EPG5: variants seen among roughly 807,000 people sequenced by gnomAD.
The protein encoded by EPG5 is ectopic P-granules 5 autophagy tethering factor, also known as ectopic P granules protein 5 homolog.
Under a neutral mutation model 302.7 loss-of-function variants are expected in EPG5, and 159 were observed. The ratio of observed to expected loss-of-function variants is 0.53; its 90% CI spans 0.46 to 0.60. The LOEUF is 0.60. Among genes scored for constraint, EPG5 ranks in the 20% least tolerant of loss-of-function variants. The pLI, the probability that EPG5 is intolerant of heterozygous loss-of-function variation, is 0.00. For missense variants in EPG5, 2,896 were observed against 3,092.4 expected (o/e 0.94, Z 1.51); for synonymous variants, 1,158 against 1,136.8 (o/e 1.02, Z -0.37).
In EPG5 at chr18:45,912,465, A is replaced by C. The variant is rs1211673128; in HGVS notation, c.3817-9T>G. 8.2e-6 allele frequency: 13 copies of C among 1,587,980 alleles called. No homozygotes were observed. Among genetic ancestry groups the C allele is most frequent in the Non-Finnish European group, 1.1e-5 (13 of 1,171,644 alleles). ...AGCTGGGTCTGGGCTTTCTACAAAA[A>C]AGAAAGGGCTTTGAGTAGCCACAAA... On this transcript the variant is annotated splice_polypyrimidine_tract_variant and intron_variant, in intron 21 of 43. Coordinates refer to ENST00000282041, the MANE Select transcript of EPG5 (RefSeq NM_020964.3).
the EPG5 span, among the ~76,000 whole-genome samples, chr18:45,834,793 G>T: frequency 6.6e-6 from 1 of 152,358 alleles, no homozygotes; most frequent in African/African-American, 2.4e-5. Context: ...AATATGTGGG[G>T]AATCTGTGCC....
Position 45,946,727 on chromosome 18 carries a change from C to T in EPG5, c.1613G>A (p.Arg538Gln), listed in dbSNP as rs142601828. The change falls in exon 7 of 44, where the codon CGG (arginine) becomes CAG (glutamine). Residue 538 changes from arginine (R) to glutamine (Q), a missense_variant. Arg to Gln is a conservative substitution (Grantham distance 43). Transcript: ENST00000282041. ...EFMCHMKPSERKPSSSGPGSG... is the reference protein window; with the variant it reads ...EFMCHMKPSEQKPSSSGPGSG... ...CCCAGGCCCTGAGGAGGATGGCTTCCGCTCGCTGGGCTTCATGTGGCACAT... is the reference window on the plus strand; with the variant it reads ...CCCAGGCCCTGAGGAGGATGGCTTCTGCTCGCTGGGCTTCATGTGGCACAT... The T allele has an allele frequency of 2.0e-4, 316 of 1,614,184 alleles. 1 individual carries two copies. The highest frequency in any genetic ancestry group is 1.2e-3 in the East Asian group (56 of 44,886).
chr18:45,963,409 G>C (rs59459900), intron 1 of EPG5, among the ~76,000 whole-genome samples: 13,892 of 152,220 alleles, frequency 0.091, 677 homozygotes, highest in African/African-American at 0.13. Context: ...GGCCGAGATG[G>C]GTGGATCATC....
chr18:45,812,428 A>T, the EPG5 span, among the ~76,000 whole-genome samples: 461 of 152,342 alleles, frequency 3.0e-3, 6 homozygotes, highest in Middle Eastern at 6.8e-3. Flanking sequence ...TTTAAAGTTC[A>T]TATGGAACCA....
the EPG5 span, chr18:45,842,442 T>TGAGAGA: frequency 4.8e-4 from 165 of 344,930 alleles, no homozygotes; most frequent in South Asian, 2.2e-3. Context: ...TGTGTGTGTG[T>TGAGAGA]GAGAGAGAGA....
At chr18:45,806,754 G>C in the EPG5 span, among the ~76,000 whole-genome samples, 6 of 152,174 alleles carry the variant, frequency 3.9e-5, no homozygotes, top group Non-Finnish European at 8.8e-5. Context: ...TTTCTGCCTG[G>C]CCTCACGGGA....
intron 22 of EPG5, 136 bp downstream of exon 22, chr18:45,912,154 G>A: frequency 1.5e-6 from 1 of 647,766 alleles, no homozygotes; most frequent in Non-Finnish European, 2.3e-6. Context: ...CAAACATAGA[G>A]ACAGAGAAAG....
At chr18:45,940,564 A>C (rs1261705473) in intron 9 of EPG5, among the ~76,000 whole-genome samples, 12 of 152,222 alleles carry the variant, frequency 7.9e-5, no homozygotes, top group Admixed American at 7.9e-4. Context: ...AGATTCTGGA[A>C]GGAGCATGTT....
chr18:45,891,236 C>T lies in EPG5; in HGVS notation c.4810-1296G>A, dbSNP rs9965001. ...AAGGGCGGCCAGGCATGGTGGCTCA[C>T]ACCTGTAATCCCAGCACTTTGGGAG... is the stretch of plus-strand genomic sequence containing the variant. On this transcript the variant is annotated intron_variant, in intron 27 of 43. Coordinates refer to ENST00000282041, the MANE Select transcript of EPG5 (RefSeq NM_020964.3). Among the ~76,000 whole-genome samples, 545 of 151,984 alleles carry T rather than the reference C, an allele frequency of 3.6e-3. 3 individuals carry two copies. The highest frequency in any genetic ancestry group is 0.013 in the African/African-American group (519 of 41,452).
At chr18:45,921,920 C>A (rs2050161998) in intron 16 of EPG5, among the ~76,000 whole-genome samples, 1 of 150,376 alleles carries the variant, frequency 6.6e-6, no homozygotes, top group South Asian at 2.1e-4. Context: ...ATGTAGCAAA[C>A]CTGCACGTTG....
intron 22 of EPG5, 38 bp downstream of exon 22, chr18:45,912,252 A>G: frequency 6.6e-7 from 1 of 1,515,722 alleles, no homozygotes; most frequent in South Asian, 1.4e-5. Context: ...CAAAGGCAGA[A>G]ATGGACTCAC....
chr18:45,810,686 C>G, the EPG5 span, among the ~76,000 whole-genome samples: 7 of 152,100 alleles, frequency 4.6e-5, no homozygotes, highest in Non-Finnish European at 1.0e-4. Context: ...GAAGCTGAGA[C>G]AGGAGAATCA....
intron 1 of EPG5, among the ~76,000 whole-genome samples, chr18:45,956,388 C>T (rs2051030422): frequency 6.6e-6 from 1 of 152,146 alleles, no homozygotes; most frequent in South Asian, 2.1e-4. Flanking sequence ...AATGGAAAAA[C>T]TGGTGAAGTT....
rs747525438 is a variant in EPG5 at position 45,867,607 on chromosome 18, T to C, written c.6367A>G (p.Met2123Val). 2 of 1,614,112 alleles carry C rather than the reference T, an allele frequency of 1.2e-6. No homozygotes were observed. Among genetic ancestry groups the C allele is most frequent in the Non-Finnish European group, 1.7e-6 (2 of 1,179,996 alleles). Residue 2123 changes from methionine (M) to valine (V), a missense_variant, in exon 37 of 44, where the codon ATG (methionine) becomes GTG (valine). Met to Val is a conservative substitution (Grantham distance 21). Around this residue, in one of 5 missense-constraint regions of EPG5, gnomAD observed 620 missense variants for 704.2 expected, o/e 0.88. Coordinates refer to ENST00000282041, the MANE Select transcript of EPG5 (RefSeq NM_020964.3). The part of the protein sequence containing the change: ...TRSMIVCLLF[M>V]MILLAKEVQL... ...ACTTCCTTTGCCAATAAAATCATCA[T>C]GAAAAGGAGGCAGACAATCATGCTG...
intron 14 of EPG5, 62 bp downstream of exon 14, chr18:45,925,676 T>C: frequency 7.7e-7 from 1 of 1,297,270 alleles, no homozygotes; most frequent in South Asian, 2.2e-5. Flanking sequence ...TTTGACAAAA[T>C]CCTTCTTTGA....
intron 14 of EPG5, 27 bp from the exon 15 acceptor site, chr18:45,923,414 C>A: frequency 5.6e-6 from 9 of 1,602,382 alleles, no homozygotes; most frequent in Non-Finnish European, 7.7e-6. Flanking sequence ...TAATCACAAA[C>A]ATACAACCTT....
the EPG5 span, among the ~76,000 whole-genome samples, chr18:45,830,356 A>G: frequency 8.0e-3 from 1,215 of 152,320 alleles, 17 homozygotes; most frequent in African/African-American, 0.028. Flanking sequence ...GTTCGGCATC[A>G]GTCAACTGCT....
chr18:45,815,504 C>T, the EPG5 span, among the ~76,000 whole-genome samples: 1 of 151,694 alleles, frequency 6.6e-6, no homozygotes, highest in Non-Finnish European at 1.5e-5. Context: ...AGCAACCAAG[C>T]AGAGAATCAA....
chr18:45,837,042 A>C, the EPG5 span: 2 of 1,503,972 alleles, frequency 1.3e-6, no homozygotes, highest in Non-Finnish European at 9.3e-7. Context: ...CATTTGTGAG[A>C]ACTAAAATAG....
Sources: allele counts gnomAD v4.1 joint callset (sites outside exome capture counted in the v4.1 genomes callset), GRCh38; gene constraint gnomAD v4.1.1; regional missense constraint gnomAD v4.1.1; transcripts MANE v1.5; gene names NCBI Gene and HGNC (gene_info 2026-07-23, HGNC 2026-07-21).